SEMA3A: variants seen among roughly 807,000 people sequenced by gnomAD.
The protein encoded by SEMA3A is semaphorin 3A.
Under a neutral mutation model 97.9 loss-of-function variants are expected in SEMA3A, and 29 were observed. The observed-to-expected ratio is 0.30, with a 90% CI of 0.22 to 0.40. The LOEUF (loss-of-function observed/expected upper bound fraction) is 0.40. Among genes scored for constraint, SEMA3A ranks in the 10% least tolerant of loss-of-function variants. The pLI is 1.00. For synonymous variants in SEMA3A, 321 were observed against 323.7 expected, an observed-to-expected ratio of 0.99 and a Z score of 0.09; for missense variants, 763 against 951.3, an observed-to-expected ratio of 0.80 and a Z score of 2.60.
At chr7:84,398,375 A>C (rs943898504) in intron 1 of SEMA3A, among the ~76,000 whole-genome samples, 6 of 152,188 alleles carry the variant, frequency 3.9e-5, no homozygotes, top group Non-Finnish European at 1.5e-5. Flanking sequence ...GTAGCACGTG[A>C]CATTCATGAC....
intron 5 of SEMA3A, among the ~76,000 whole-genome samples, chr7:84,051,536 C>G (rs1792654041): frequency 6.6e-6 from 1 of 152,248 alleles, no homozygotes; most frequent in East Asian, 1.9e-4. Flanking sequence ...TATAAGAATG[C>G]TTGTGATTTC....
At chr7:84,322,312 A>G (rs778395843) in intron 2 of SEMA3A, among the ~76,000 whole-genome samples, 5 of 152,136 alleles carry the variant, frequency 3.3e-5, no homozygotes, top group Non-Finnish European at 7.3e-5. Context: ...TGTAGAACAA[A>G]TGTCTGTCAC....
At position 84,048,574 on chromosome 7, in the gene SEMA3A, TG is replaced by T. The variant is rs574352855; in HGVS notation, c.548-2132del. Among the ~76,000 whole-genome samples the T allele has an allele frequency of 2.0e-5, 3 of 152,110 alleles. No individual in the cohort carries two copies. The South Asian group carries it at 6.2e-4, about 31-fold the overall frequency. ...ATGCAAATTTCAAACATTTTCATGA[TG>T]GAACACCTGTGAGAAGATACCTTGT... is the stretch of plus-strand genomic sequence containing the variant. On this transcript the variant is annotated intron_variant, in intron 5 of 16. Coordinates refer to ENST00000265362, the MANE Select transcript of SEMA3A (RefSeq NM_006080.3).
chr7:84,182,410 A>T (rs1797760585), intron 1 of SEMA3A, among the ~76,000 whole-genome samples: 1 of 152,152 alleles, frequency 6.6e-6, no homozygotes, highest in African/African-American at 2.4e-5. Context: ...AGCAAATAAA[A>T]CTAGTCATTT....
intron 4 of SEMA3A, among the ~76,000 whole-genome samples, chr7:84,073,863 T>TAAAAAAAAAAAAAA (rs57789538): frequency 9.8e-6 from 1 of 101,668 alleles, no homozygotes; most frequent in African/African-American, 3.1e-5. Flanking sequence ...TAAAAAAAGC[T>TAAAAAAAAAAAAAA]AAAAAAAAAA....
chr7:84,208,103 T>C (rs771544441), intron 3 of SEMA3A, among the ~76,000 whole-genome samples: 9 of 152,270 alleles, frequency 5.9e-5, no homozygotes, highest in Admixed American at 5.9e-4. Flanking sequence ...CCATATTTAA[T>C]ATAATTCAAA....
chr7:84,291,121 T>C (rs1800732415), intron 3 of SEMA3A, among the ~76,000 whole-genome samples: 1 of 152,108 alleles, frequency 6.6e-6, no homozygotes, highest in African/African-American at 2.4e-5. Flanking sequence ...TTCTGTGTGT[T>C]ATATTACCTT....
At chr7:84,115,595 T>C (rs1306081137) in intron 3 of SEMA3A, among the ~76,000 whole-genome samples, 1 of 152,146 alleles carries the variant, frequency 6.6e-6, no homozygotes, top group East Asian at 1.9e-4. Flanking sequence ...TTATGTTTTC[T>C]TTTATATTAT....
chr7:84,223,862 T>G (rs1030168976), intron 3 of SEMA3A, among the ~76,000 whole-genome samples: 2 of 151,834 alleles, frequency 1.3e-5, no homozygotes, highest in Admixed American at 1.3e-4. Flanking sequence ...GAGAAAACCT[T>G]ACGGCTTATA....
intron 3 of SEMA3A, among the ~76,000 whole-genome samples, chr7:84,301,438 G>C (rs1801014698): frequency 6.6e-6 from 1 of 151,990 alleles, no homozygotes; most frequent in South Asian, 2.1e-4. Context: ...TTTTGAATAG[G>C]TACTTAAGGA....
chr7:84,421,223 A>C (rs1290310993), intron 1 of SEMA3A, among the ~76,000 whole-genome samples: 2 of 152,080 alleles, frequency 1.3e-5, no homozygotes, highest in African/African-American at 4.8e-5. Context: ...TAGTGGGGTG[A>C]CATATTTATA....
At chr7:84,077,263 A>G (rs1259312997) in intron 4 of SEMA3A, among the ~76,000 whole-genome samples, 1 of 152,106 alleles carries the variant, frequency 6.6e-6, no homozygotes, top group Admixed American at 6.6e-5. Flanking sequence ...TAAGTCTTCT[A>G]TATTCAAAAC....
intron 2 of SEMA3A, among the ~76,000 whole-genome samples, chr7:84,315,305 C>T (rs1324055857): frequency 6.6e-6 from 1 of 151,936 alleles, no homozygotes; most frequent in Non-Finnish European, 1.5e-5. Flanking sequence ...ATTAATGACA[C>T]TACAACTGCA....
intron 4 of SEMA3A, among the ~76,000 whole-genome samples, chr7:84,061,615 G>C (rs922515917): frequency 6.6e-6 from 1 of 151,694 alleles, no homozygotes; most frequent in Non-Finnish European, 1.5e-5. Context: ...CTACCATCTT[G>C]GTATATTAAA....
rs368057123 is a variant in SEMA3A, at chr7:84,297,562, A to T, written c.-83+9645T>A. ...GAAAATAAATTGTTCCAGAATACCA[A>T]TCAAAATAACTAATCTACATAGGTC... On this transcript the variant is annotated intron_variant, in intron 3 of 3. Coordinates refer to the SEMA3A transcript ENST00000424555. 2.0e-5 allele frequency among the ~76,000 whole-genome samples: 3 copies of T among 152,294 alleles called. No homozygotes were observed. In the South Asian group the frequency reaches 6.2e-4, roughly 32 times the overall value.
At chr7:84,425,040 TTA>T (rs1439021609) in intron 1 of SEMA3A, among the ~76,000 whole-genome samples, 2 of 103,938 alleles carry the variant, frequency 1.9e-5, no homozygotes, top group Non-Finnish European at 3.4e-5. Context: ...TTATTTATAA[TTA>T]TATATAATTA....
intron 4 of SEMA3A, among the ~76,000 whole-genome samples, chr7:84,061,891 C>A (rs1793230469): frequency 6.6e-6 from 1 of 152,128 alleles, no homozygotes; most frequent in Admixed American, 6.6e-5. Context: ...GTTCTAAAAT[C>A]TATACTGTGA....
chr7:84,432,877 T>G (rs950242838), intron 1 of SEMA3A, among the ~76,000 whole-genome samples: 2 of 147,812 alleles, frequency 1.4e-5, no homozygotes, highest in Non-Finnish European at 3.0e-5. Flanking sequence ...TTTTTTTTTT[T>G]GTAGAACAAT....
At chr7:84,174,925 A>G (rs983302052) in intron 1 of SEMA3A, among the ~76,000 whole-genome samples, 2 of 152,220 alleles carry the variant, frequency 1.3e-5, no homozygotes, top group Admixed American at 6.5e-5. Flanking sequence ...CTCAAATCTA[A>G]CAGCAGTAAT....
Sources: gnomAD v4.1 joint callset for allele counts (sites outside exome capture counted in the v4.1 genomes callset) on GRCh38, gnomAD v4.1.1 for gene constraint, MANE v1.5 for transcripts, NCBI Gene and HGNC (gene_info 2026-07-23, HGNC 2026-07-21) for gene names.